PTPRE: variants seen among roughly 807,000 people sequenced by gnomAD.
PTPRE encodes receptor-type tyrosine-protein phosphatase epsilon.
Under a neutral mutation model 102.0 loss-of-function variants are expected in PTPRE, and 51 were observed. The ratio of observed to expected loss-of-function variants is 0.50; its 90% CI spans 0.40 to 0.63. The LOEUF is 0.63. PTPRE is among the 30% of genes least tolerant of loss of function. The pLI, the probability that PTPRE is intolerant of heterozygous loss-of-function variation, is 0.00. For missense variants in PTPRE, 752 were observed against 915.1 expected (o/e 0.82, Z 2.30); for synonymous variants, 345 against 348.2 (o/e 0.99, Z 0.10).
intron 6 of PTPRE, among the ~76,000 whole-genome samples, chr10:128,055,563 G>A (rs1023193357): frequency 9.2e-5 from 14 of 152,062 alleles, no homozygotes; most frequent in African/African-American, 2.2e-4. Flanking sequence ...GCACCCTCCC[G>A]GGAGTGCCCA....
At chr10:128,013,379 G>A (rs1398363141) in intron 2 of PTPRE, among the ~76,000 whole-genome samples, 1 of 152,174 alleles carries the variant, frequency 6.6e-6, no homozygotes, top group African/African-American at 2.4e-5. Context: ...GAAACCTGTT[G>A]GGATAATCTA....
At chr10:128,077,542 C>G in intron 18 of PTPRE, 75 bp from the exon 19 acceptor site, 1 of 1,519,840 alleles carries the variant, frequency 6.6e-7, no homozygotes, top group Non-Finnish European at 8.9e-7. Context: ...TTGGCCAATC[C>G]CTGAGAGGGC....
chr10:128,077,521 G>T (rs1851316770), intron 18 of PTPRE, 96 bp from the exon 19 acceptor site: 47 of 1,450,498 alleles, frequency 3.2e-5, no homozygotes, highest in Non-Finnish European at 4.1e-5. Flanking sequence ...GCTCAGGGAG[G>T]GCTCCCAGCC....
intron 20 of PTPRE, among the ~76,000 whole-genome samples, chr10:128,082,165 C>A (rs917013706): frequency 3.5e-5 from 5 of 143,202 alleles, no homozygotes; most frequent in African/African-American, 1.3e-4. Context: ...ATTTATCTGG[C>A]AATGTTAGTA....
At chr10:128,051,138 C>T (rs1017622854) in intron 6 of PTPRE, among the ~76,000 whole-genome samples, 1 of 152,216 alleles carries the variant, frequency 6.6e-6, no homozygotes, top group Non-Finnish European at 1.5e-5. Context: ...TCCCCTCCCC[C>T]ACCCTTCTCA....
intron 6 of PTPRE, among the ~76,000 whole-genome samples, chr10:128,050,415 TGGATGGATGGATGGATGGGTGGATGGATG>T: frequency 7.5e-6 from 1 of 133,666 alleles, no homozygotes; most frequent in African/African-American, 2.9e-5. Flanking sequence ...GGAGGGCAGA[TGGATGGATGGATGGATGGGTGGATGGATG>T]ATGGATGGAT....
Position 128,085,591 on chromosome 10 carries a change from A to C in PTPRE, c.*2685A>C, listed in dbSNP as rs1852029610. 6.5e-6 allele frequency: 1 copy of C among 152,770 alleles called. No individual in the cohort carries two copies. Among genetic ancestry groups the C allele is most frequent in the South Asian group, 2.1e-4 (1 of 4,856 alleles). 9.5% of individuals were successfully genotyped at this position (152,770 alleles called of 1,614,324 possible). On this transcript the variant is annotated 3_prime_UTR_variant, in exon 21 of 21. Transcript: ENST00000254667. ...CTGACACCTGTGTTTCAGCATTTGG[A>C]GACATCCCCATGTTATTCTTTTAAG...
At position 128,028,687 on chromosome 10, in the gene PTPRE, G is replaced by T. The variant is rs577538768; in HGVS notation, c.-7-12188G>T. ...CGGGGCCCAGGGTTCCTTGGTCTTG[G>T]GTTCTGATGCCTTCATTCCCAGAAC... On this transcript the variant is annotated intron_variant, in intron 2 of 20. Coordinates refer to ENST00000254667, the MANE Select transcript of PTPRE (RefSeq NM_006504.6). The surrounding 1 kb of genome is among the most constrained non-coding windows in gnomAD (Gnocchi z 4.5). 3.9e-5 allele frequency among the ~76,000 whole-genome samples: 6 copies of T among 152,180 alleles called. No homozygotes were observed. Among genetic ancestry groups the T allele is most frequent in the South Asian group, 2.1e-4 (1 of 4,816 alleles).
chr10:127,996,470 T>A (rs1020111551), intron 2 of PTPRE, among the ~76,000 whole-genome samples: 3 of 152,198 alleles, frequency 2.0e-5, no homozygotes, highest in African/African-American at 7.2e-5. Context: ...TAAAGTTGAT[T>A]CAAATTGCTC....
intron 2 of PTPRE, among the ~76,000 whole-genome samples, chr10:128,014,411 A>G (rs1445483476): frequency 6.6e-6 from 1 of 152,110 alleles, no homozygotes; most frequent in Non-Finnish European, 1.5e-5. Context: ...CAATTCTTTG[A>G]AGTCTCTTCC....
At chr10:128,011,571 C>A (rs902488736) in intron 2 of PTPRE, among the ~76,000 whole-genome samples, 13 of 152,230 alleles carry the variant, frequency 8.5e-5, no homozygotes, top group African/African-American at 3.1e-4. Flanking sequence ...TGCGCGGAAG[C>A]GTCCCCGTAG....
rs1850720584 is a variant in PTPRE, at chr10:128,070,997, A to C, written c.1387+96A>C. 2 of 1,247,666 alleles carry C rather than the reference A, an allele frequency of 1.6e-6. No individual in the cohort carries two copies. Among genetic ancestry groups the C allele is most frequent in the Non-Finnish European group, 2.3e-6 (2 of 874,858 alleles). The allele number at this position is 1,247,666 out of a possible 1,614,324, so 77.3% of individuals were successfully genotyped here. A position where few individuals can be genotyped will look rare whatever the true frequency, so the allele number is the denominator to read the frequency against. ...AGCCATTGACCGCTTACCCCTGTGC[A>C]CCAGGGTCAAAAGCAGGGTGTCCTC... is the stretch of plus-strand genomic sequence containing the variant. On this transcript the variant is annotated intron_variant, in intron 15 of 20. Transcript: ENST00000254667. The surrounding 1 kb of genome is among the most constrained non-coding windows in gnomAD (Gnocchi z 4.8).
At chr10:127,939,581 T>C in intron 1 of PTPRE, among the ~76,000 whole-genome samples, 1 of 152,124 alleles carries the variant, frequency 6.6e-6, no homozygotes, top group East Asian at 1.9e-4. Context: ...TGTTCCAGTC[T>C]AGTTCTGATA....
chr10:128,023,071 GC>G (rs1437200958), intron 2 of PTPRE, among the ~76,000 whole-genome samples: 1 of 152,180 alleles, frequency 6.6e-6, no homozygotes, highest in Non-Finnish European at 1.5e-5. Flanking sequence ...GTCAACTGTG[GC>G]CCAAAATACA....
intron 1 of PTPRE, among the ~76,000 whole-genome samples, chr10:127,927,291 T>A (rs1015099267): frequency 6.6e-6 from 1 of 152,204 alleles, no homozygotes; most frequent in African/African-American, 2.4e-5. Context: ...TCCTCCAGCA[T>A]TGGAACACAA....
Position 127,907,385 on chromosome 10 carries a change from G to A in PTPRE, c.-31+76G>A. On this transcript the variant is annotated intron_variant, in intron 1 of 20. Transcript: ENST00000254667. This position sits in a 1 kb window ranked among gnomAD's most constrained non-coding sequence, Gnocchi z 4.8. ...CCCCGGGAGGCCCAAGCAGGCCGGG[G>A]CGCTGCCTCGGCCGCTGCCGCGGGA... 1.0e-6 allele frequency: 1 copy of A among 970,008 alleles called. No individual in the cohort carries two copies. Among genetic ancestry groups the A allele is most frequent in the Non-Finnish European group, 1.2e-6 (1 of 816,476 alleles). 60.1% of individuals were successfully genotyped at this position (970,008 alleles called of 1,614,324 possible).
chr10:127,982,978 G>A (rs1196604280), intron 2 of PTPRE, among the ~76,000 whole-genome samples: 1 of 152,206 alleles, frequency 6.6e-6, no homozygotes, highest in Non-Finnish European at 1.5e-5. Flanking sequence ...CAGCGTGCAG[G>A]TGAGTGGCAC....
At chr10:127,912,547 T>C (rs1845934681) in intron 1 of PTPRE, among the ~76,000 whole-genome samples, 1 of 152,180 alleles carries the variant, frequency 6.6e-6, no homozygotes, top group Non-Finnish European at 1.5e-5. Flanking sequence ...GATTCTTAGT[T>C]ATGTGCTAAA....
chr10:128,030,033 GA>G (rs1328583765), intron 2 of PTPRE, among the ~76,000 whole-genome samples: 1 of 152,248 alleles, frequency 6.6e-6, no homozygotes, highest in Admixed American at 6.5e-5. Flanking sequence ...CACAGGCACA[GA>G]TCCCAGTGGA....
Sources: allele counts gnomAD v4.1 joint callset (sites outside exome capture counted in the v4.1 genomes callset), GRCh38; gene constraint gnomAD v4.1.1; non-coding constraint Gnocchi (gnomAD v3.1); transcripts MANE v1.5; gene names NCBI Gene and HGNC (gene_info 2026-07-23, HGNC 2026-07-21).